Variants in AP4E1 observed in about 807,000 individuals in gnomAD.
The protein encoded by AP4E1 is adaptor related protein complex 4 subunit epsilon 1, also known as AP-4 complex subunit epsilon-1.
A neutral mutation model predicts 128.2 loss-of-function variants in AP4E1; 56 were observed. That is an observed-to-expected ratio of 0.44 (90% CI 0.35 to 0.55). The LOEUF (loss-of-function observed/expected upper bound fraction) is 0.55, where lower values mean the gene tolerates loss of function less well. AP4E1 is among the 20% of genes least tolerant of loss of function. The pLI is 0.00. For synonymous variants in AP4E1, 484 were observed against 473.1 expected (o/e 1.02, Z -0.30); for missense variants, 1,324 against 1,307.7 (o/e 1.01, Z -0.19).
chr15:50,930,828 C>A lies in AP4E1; in HGVS notation c.726C>A (p.Asp242Glu). ...AGGAGAATTCATCTGGATATAAAGA[C>A]TTGACTGGGAGTTTTGTAACCATTT... ...MIKENSSGYK[D>E]LTGSFVTILK... Residue 242 changes from aspartate (D) to glutamate (E), a missense_variant, in exon 7 of 21, where the codon GAC (aspartate) becomes GAA (glutamate). Asp to Glu is a conservative substitution (Grantham distance 45). Coordinates refer to ENST00000261842, the MANE Select transcript of AP4E1 (RefSeq NM_007347.5). The A allele has an allele frequency of 6.2e-7, 1 of 1,613,990 alleles. No individual in the cohort carries two copies. Among genetic ancestry groups the A allele is most frequent in the Non-Finnish European group, 8.5e-7 (1 of 1,179,998 alleles).
At chr15:50,966,872 A>G (rs1454701025) in intron 14 of AP4E1, among the ~76,000 whole-genome samples, 1 of 152,206 alleles carries the variant, frequency 6.6e-6, no homozygotes, top group Non-Finnish European at 1.5e-5. Flanking sequence ...TTCCAGATTC[A>G]GAGAGTGAGG....
rs572535855 is a variant in AP4E1, at chr15:50,997,499, C to T, written c.2520C>T (p.Asp840=). ...CGAATACTTTGCACGATACAGGAGA[C>T]AAGGAATTAAAGAAATTTTCTCTCA... The part of the protein sequence containing the change: ...YYSNTLHDTG[D]KELKKFSLTS... The change falls in exon 18 of 21, where the codon GAC becomes GAT. Residue 840 remains aspartate (D), a synonymous_variant. Coordinates refer to ENST00000261842, the MANE Select transcript of AP4E1 (RefSeq NM_007347.5). 6.2e-7 allele frequency: 1 copy of T among 1,614,004 alleles called. No individual in the cohort carries two copies.
chr15:50,934,497 T>TTCA, intron 7 of AP4E1, 127 bp from the exon 8 acceptor site: 2 of 667,804 alleles, frequency 3.0e-6, no homozygotes, highest in Non-Finnish European at 5.3e-6. Context: ...TTTCCATAAC[T>TTCA]TCATCATAAA....
Position 50,925,141 on chromosome 15 carries a change from C to A in AP4E1, c.464C>A (p.Thr155Asn). Reference sequence around the variant, plus strand: ...CTAGTAGAAGTGTGTATGGCACTGACTGTTGTTAGCCAGATTTTCCCCTGC... The same window carrying A: ...CTAGTAGAAGTGTGTATGGCACTGAATGTTGTTAGCCAGATTTTCCCCTGC... ...TNLVEVCMAL[T>N]VVSQIFPCEM... The change falls in exon 5 of 21, where the codon ACT (threonine) becomes AAT (asparagine). Residue 155 changes from threonine to asparagine, a missense_variant. Coordinates refer to ENST00000261842, the MANE Select transcript of AP4E1 (RefSeq NM_007347.5). 6.2e-7 allele frequency: 1 copy of A among 1,614,000 alleles called. No individual in the cohort carries two copies. The highest frequency in any genetic ancestry group is 8.5e-7 in the Non-Finnish European group (1 of 1,179,892).
At chr15:50,983,433 A>G (rs2064669255) in intron 15 of AP4E1, among the ~76,000 whole-genome samples, 1 of 152,216 alleles carries the variant, frequency 6.6e-6, no homozygotes, top group African/African-American at 2.4e-5. Context: ...TGATCTAGAT[A>G]AGAATTGAGG....
In AP4E1 at chr15:50,993,618, T is replaced by G; in HGVS notation, c.2339T>G (p.Ile780Ser). The G allele has an allele frequency of 6.2e-7, 1 of 1,613,948 alleles. No individual in the cohort carries two copies. The highest frequency in any genetic ancestry group is 1.1e-5 in the South Asian group (1 of 91,088). Reference protein sequence around the residue: ...LFVGLGSESTINLLGKADTVS... With the variant: ...LFVGLGSESTSNLLGKADTVS... ...GTTGGTCTAGGATCAGAAAGTACAA[T>G]CAACCTGGTAAGTAATCGGTTCTAT... The change falls in exon 17 of 21, where the codon ATC (isoleucine) becomes AGC (serine). Residue 780 changes from isoleucine to serine, a missense_variant. Ile to Ser is a moderately radical substitution (Grantham distance 142). Transcript: ENST00000261842.
intron 6 of AP4E1, among the ~76,000 whole-genome samples, chr15:50,929,445 G>A (rs1172115538): frequency 6.6e-6 from 1 of 151,206 alleles, no homozygotes; most frequent in Non-Finnish European, 1.5e-5. Context: ...TTGCAGATTT[G>A]TGTTTTTTCA....
At chr15:50,993,673 A>G in intron 17 of AP4E1, 48 bp downstream of exon 17, 1 of 1,611,052 alleles carries the variant, frequency 6.2e-7, no homozygotes, top group Non-Finnish European at 8.5e-7. Context: ...ATCTGTCTGT[A>G]CAAAAAAAAC....
At chr15:50,954,690 G>A (rs942873898) in intron 13 of AP4E1, among the ~76,000 whole-genome samples, 5 of 152,100 alleles carry the variant, frequency 3.3e-5, no homozygotes, top group African/African-American at 1.2e-4. Flanking sequence ...CTTGGTATAT[G>A]TTCTGTGTTT....
intron 14 of AP4E1, among the ~76,000 whole-genome samples, chr15:50,965,357 G>T (rs2064378135): frequency 6.6e-6 from 1 of 152,330 alleles, no homozygotes; most frequent in South Asian, 2.1e-4. Flanking sequence ...TGGGCAGTGT[G>T]TATGGGTCCT....
chr15:50,982,086 C>CAA (rs55717107), intron 15 of AP4E1, among the ~76,000 whole-genome samples: 14,007 of 48,964 alleles, frequency 0.29, 2,142 homozygotes, highest in East Asian at 0.48. Flanking sequence ...ACTCCCATCT[C>CAA]AAAAAAAAAA....
chr15:50,965,473 G>A (rs149342993), intron 14 of AP4E1, among the ~76,000 whole-genome samples: 4 of 152,324 alleles, frequency 2.6e-5, no homozygotes, highest in Admixed American at 6.5e-5. Flanking sequence ...TTTTAGTAGC[G>A]ATTCATGAAT....
At chr15:50,976,952 G>C (rs886709360) in intron 15 of AP4E1, among the ~76,000 whole-genome samples, 1 of 152,050 alleles carries the variant, frequency 6.6e-6, no homozygotes, top group Non-Finnish European at 1.5e-5. Context: ...TTCTTTTAAG[G>C]CTTTTTATAT....
intron 18 of AP4E1, among the ~76,000 whole-genome samples, chr15:50,998,638 AG>A (rs146978512): frequency 0.028 from 4,321 of 152,208 alleles, 69 homozygotes; most frequent in Non-Finnish European, 0.038. Context: ...TCAAAAAAAA[AG>A]AATCATCTGT....
rs982103605 is a variant in AP4E1 at position 50,908,720 on chromosome 15, C to T, written c.-59C>T. On this transcript the variant is annotated 5_prime_UTR_variant, in exon 1 of 21. Transcript: ENST00000261842. ...GGCCGGGCCGGCAGCGGCGGCCGGG[C>T]ATGAAGCCGGGCGGCTACGGGATCG... 5 of 1,444,652 alleles carry T rather than the reference C, an allele frequency of 3.5e-6. No homozygotes were observed. Among genetic ancestry groups the T allele is most frequent in the African/African-American group, 1.5e-5 (1 of 66,858 alleles). 89.5% of individuals were successfully genotyped at this position (1,444,652 alleles called of 1,614,324 possible). A position where few individuals can be genotyped will look rare whatever the true frequency, so the allele number is the denominator to read the frequency against.
chr15:50,956,464 A>G (rs2064224297), intron 13 of AP4E1, among the ~76,000 whole-genome samples: 2 of 152,116 alleles, frequency 1.3e-5, no homozygotes, highest in South Asian at 2.1e-4. Flanking sequence ...TCACACTGCT[A>G]TGAAGAAATA....
rs1796497528 is a variant in AP4E1 at position 50,994,199 on chromosome 15, A to G, written c.2346+574A>G. On this transcript the variant is annotated intron_variant, in intron 17 of 20. Coordinates refer to ENST00000261842, the MANE Select transcript of AP4E1 (RefSeq NM_007347.5). ...TTATACAAAAATGATAATTATATTC[A>G]GATATTAAGATTATGATTTTTAAAC... Among the ~76,000 whole-genome samples the G allele has an allele frequency of 3.3e-5, 5 of 152,244 alleles. No homozygotes were observed. In the South Asian group the frequency reaches 1.0e-3, roughly 31 times the overall value.
intron 13 of AP4E1, among the ~76,000 whole-genome samples, chr15:50,952,509 C>CAAAAA (rs1359239142): frequency 5.0e-5 from 4 of 79,484 alleles, no homozygotes; most frequent in African/African-American, 1.9e-4. Context: ...GACTCCATCT[C>CAAAAA]AAAAAAAAAA....
chr15:50,938,888 A>AT (rs963269195), intron 8 of AP4E1, among the ~76,000 whole-genome samples: 7 of 152,160 alleles, frequency 4.6e-5, no homozygotes, highest in African/African-American at 1.7e-4. Flanking sequence ...CCATTGGGTG[A>AT]TACCTCCTCT....
Sources: gnomAD v4.1 joint callset for allele counts (sites outside exome capture counted in the v4.1 genomes callset) on GRCh38, gnomAD v4.1.1 for gene constraint, MANE v1.5 for transcripts, NCBI Gene and HGNC (gene_info 2026-07-23, HGNC 2026-07-21) for gene names.